Variants in CNTNAP4 observed in about 807,000 individuals in gnomAD.
The protein encoded by CNTNAP4 is contactin associated protein family member 4, also known as contactin-associated protein-like 4.
CNTNAP4 carries 98 observed loss-of-function variants against 148.4 expected under a neutral mutation model. The observed-to-expected ratio is 0.66, with a 90% confidence interval of 0.56 to 0.78. The LOEUF is 0.78. Ranked by LOEUF, CNTNAP4 falls within the 30% of genes least tolerant of loss-of-function variation. The probability of loss-of-function intolerance (pLI) is 0.00; values close to 1 mark genes in which losing one functional copy is unlikely to be tolerated. For missense variants in CNTNAP4, 1,935 were observed against 1,565.6 expected, an observed-to-expected ratio of 1.24 and a Z score of -3.98; for synonymous variants, 730 against 565.1, an observed-to-expected ratio of 1.29 and a Z score of -4.14.
chr16:76,291,837 G>T (rs556668716), intron 1 of CNTNAP4, among the ~76,000 whole-genome samples: 1 of 152,204 alleles, frequency 6.6e-6, no homozygotes, highest in Non-Finnish European at 1.5e-5. Context: ...AACTGGGACA[G>T]ATGCTTGCCA....
intron 13 of CNTNAP4, among the ~76,000 whole-genome samples, chr16:76,492,068 A>C (rs1346342214): frequency 6.6e-6 from 1 of 152,222 alleles, no homozygotes; most frequent in Non-Finnish European, 1.5e-5. Flanking sequence ...AAAAAAGTTT[A>C]ACTCATAGAA....
chr16:76,402,149 T>C (rs914605335), intron 3 of CNTNAP4, among the ~76,000 whole-genome samples: 1 of 152,210 alleles, frequency 6.6e-6, no homozygotes, highest in Admixed American at 6.5e-5. Context: ...TCTGGTAGAA[T>C]TGAGCTGTGA....
At chr16:76,539,629 A>G in intron 19 of CNTNAP4, 90 bp from the exon 20 acceptor site, 1 of 1,088,234 alleles carries the variant, frequency 9.2e-7, no homozygotes, top group Non-Finnish European at 1.3e-6. Flanking sequence ...GAAATGAATA[A>G]ATAGCAACAA....
At chr16:76,370,783 C>G (rs535621091) in intron 3 of CNTNAP4, among the ~76,000 whole-genome samples, 1 of 152,180 alleles carries the variant, frequency 6.6e-6, no homozygotes, top group Admixed American at 6.5e-5. Flanking sequence ...TCCTCATTCC[C>G]TTTCAGTTTT....
At chr16:76,477,844 A>G (rs2081648155) in intron 11 of CNTNAP4, among the ~76,000 whole-genome samples, 1 of 152,204 alleles carries the variant, frequency 6.6e-6, no homozygotes, top group Non-Finnish European at 1.5e-5. Context: ...GTTATCAGTG[A>G]CTGAATCTAA....
chr16:76,449,391 C>G (rs1506824), intron 6 of CNTNAP4, among the ~76,000 whole-genome samples: 54,509 of 151,886 alleles, frequency 0.36, 10,894 homozygotes, highest in Middle Eastern at 0.5. Flanking sequence ...TCAATATGTG[C>G]TAGAAGCGTA....
rs74795185 is a variant in CNTNAP4 at position 76,449,042 on chromosome 16, T to G, written c.927+91T>G. The G allele has an allele frequency of 3.8e-3, 4,552 of 1,195,352 alleles. 251 individuals carry two copies. In the East Asian group the frequency reaches 0.11, roughly 28 times the overall value. The allele number at this position is 1,195,352 out of a possible 1,614,324, so 74.0% of individuals were successfully genotyped here. A position where few individuals can be genotyped will look rare whatever the true frequency, so the allele number is the denominator to read the frequency against. On this transcript the variant is annotated intron_variant, in intron 6 of 23. Coordinates refer to ENST00000611870, the MANE Select transcript of CNTNAP4 (RefSeq NM_033401.5). ...AAAATACACTATAAAGAGCCCACCT[T>G]TTCAGTAAATCATAGAACAGGTGAA...
At chr16:76,412,454 T>C (rs575103541) in intron 3 of CNTNAP4, among the ~76,000 whole-genome samples, 48 of 151,518 alleles carry the variant, frequency 3.2e-4, no homozygotes, top group African/African-American at 1.1e-3. Flanking sequence ...ATTATACCAA[T>C]TTATATTCTC....
chr16:76,333,789 T>TG (rs1264456668), intron 2 of CNTNAP4, among the ~76,000 whole-genome samples: 1 of 147,532 alleles, frequency 6.8e-6, no homozygotes, highest in Non-Finnish European at 1.5e-5. Context: ...GTTTTTTTTT[T>TG]TTTTTTTTTT....
intron 21 of CNTNAP4, among the ~76,000 whole-genome samples, chr16:76,548,108 G>C (rs1450226776): frequency 6.6e-6 from 1 of 152,136 alleles, no homozygotes; most frequent in Non-Finnish European, 1.5e-5. Flanking sequence ...ACTCAGTACA[G>C]TAGGTTTGGT....
At chr16:76,453,836 A>G (rs1251263855) in intron 8 of CNTNAP4, among the ~76,000 whole-genome samples, 1 of 152,200 alleles carries the variant, frequency 6.6e-6, no homozygotes. Flanking sequence ...ATTTTTAAAG[A>G]GATACTATGC....
chr16:76,395,699 C>G (rs537799700), intron 3 of CNTNAP4, among the ~76,000 whole-genome samples: 1 of 151,920 alleles, frequency 6.6e-6, no homozygotes, highest in Non-Finnish European at 1.5e-5. Context: ...GTAACAGTCA[C>G]CAGCATCACT....
At chr16:76,481,599 T>C (rs898965728) in intron 12 of CNTNAP4, among the ~76,000 whole-genome samples, 1 of 152,158 alleles carries the variant, frequency 6.6e-6, no homozygotes, top group Non-Finnish European at 1.5e-5. Flanking sequence ...GTATGGAGTG[T>C]ATCATTGTAG....
intron 23 of CNTNAP4, among the ~76,000 whole-genome samples, chr16:76,555,932 G>A (rs1042149367): frequency 3.9e-5 from 6 of 152,084 alleles, no homozygotes; most frequent in Admixed American, 3.9e-4. Context: ...GCCTTGTCTG[G>A]GCCACACACA....
intron 23 of CNTNAP4, chr16:76,558,237 C>A: frequency 5.6e-6 from 2 of 354,290 alleles, no homozygotes; most frequent in Non-Finnish European, 1.0e-5. Context: ...TATAAATGCA[C>A]CAAGTAAATC....
intron 21 of CNTNAP4, among the ~76,000 whole-genome samples, chr16:76,547,814 A>C (rs2084799726): frequency 6.6e-6 from 1 of 152,196 alleles, no homozygotes; most frequent in South Asian, 2.1e-4. Context: ...ATGTAAATAA[A>C]ATGTGTGGTC....
chr16:76,402,871 T>TGTTGA (rs200719662), intron 3 of CNTNAP4, among the ~76,000 whole-genome samples: 6,272 of 152,222 alleles, frequency 0.041, 450 homozygotes, highest in African/African-American at 0.14. Context: ...TTTTTGTCAG[T>TGTTGA]CTTCTGTTTT....
chr16:76,433,260 T>C (rs1432316886), intron 4 of CNTNAP4, among the ~76,000 whole-genome samples: 1 of 152,104 alleles, frequency 6.6e-6, no homozygotes, highest in Admixed American at 6.6e-5. Context: ...GTTCAACTTG[T>C]TAAAGATCAG....
intron 15 of CNTNAP4, among the ~76,000 whole-genome samples, chr16:76,515,922 T>C (rs994734605): frequency 6.6e-6 from 1 of 151,840 alleles, no homozygotes; most frequent in African/African-American, 2.4e-5. Context: ...TAGTAGTTTC[T>C]TTTTGTTAAT....
Sources: allele counts gnomAD v4.1 joint callset (sites outside exome capture counted in the v4.1 genomes callset), GRCh38; gene constraint gnomAD v4.1.1; transcripts MANE v1.5; gene names NCBI Gene and HGNC (gene_info 2026-07-23, HGNC 2026-07-21).